Variants in SOAT2 observed in about 807,000 individuals in gnomAD.
The protein encoded by SOAT2 is sterol O-acyltransferase 2.
Under a neutral mutation model 76.0 loss-of-function variants are expected in SOAT2, and 87 were observed. The observed-to-expected ratio is 1.14, with a 90% CI of 0.96 to 1.37. SOAT2 has a LOEUF of 1.37. SOAT2 is among the 40% of genes most tolerant of loss of function. The probability of loss-of-function intolerance (pLI) is 0.00; values close to 1 mark genes in which losing one functional copy is unlikely to be tolerated. For missense variants in SOAT2, 686 were observed against 682.1 expected, an observed-to-expected ratio of 1.01 and a Z score of -0.06; for synonymous variants, 285 against 275.4, an observed-to-expected ratio of 1.03 and a Z score of -0.34.
chr12:53,123,657 T>C, intron 13 of SOAT2, 71 bp from the exon 14 acceptor site: 1 of 1,575,264 alleles, frequency 6.3e-7, no homozygotes. Flanking sequence ...CCCAATACCC[T>C]GGAATGGGAG....
intron 5 of SOAT2, among the ~76,000 whole-genome samples, chr12:53,114,053 T>A (rs1388239653): frequency 6.6e-6 from 1 of 152,166 alleles, no homozygotes; most frequent in African/African-American, 2.4e-5. Flanking sequence ...ATTCTGGCCT[T>A]TGTATAAGGG....
intron 5 of SOAT2, among the ~76,000 whole-genome samples, chr12:53,111,735 TA>T (rs1341525768): frequency 6.6e-6 from 1 of 152,244 alleles, no homozygotes; most frequent in Non-Finnish European, 1.5e-5. Flanking sequence ...AAGACATTTC[TA>T]GTATTACTTT....
intron 5 of SOAT2, among the ~76,000 whole-genome samples, chr12:53,113,581 A>C (rs12309006): frequency 0.19 from 28,417 of 152,156 alleles, 3,402 homozygotes; most frequent in African/African-American, 0.35. Context: ...CTATTTCTTG[A>C]GGCCCAGTAA....
intron 13 of SOAT2, 124 bp from the exon 14 acceptor site, chr12:53,123,604 A>T: frequency 8.7e-7 from 1 of 1,155,230 alleles, no homozygotes; most frequent in East Asian, 2.4e-5. Flanking sequence ...TCTGCACCTG[A>T]GTTCAAGATC....
intron 7 of SOAT2, among the ~76,000 whole-genome samples, 191 bp from the exon 8 acceptor site, chr12:53,118,159 G>A (rs1344632609): frequency 1.3e-5 from 2 of 151,990 alleles, no homozygotes; most frequent in Non-Finnish European, 2.9e-5. Context: ...GTGTTAAAGA[G>A]CCAGTTCCGC....
chr12:53,105,008 C>G, intron 2 of SOAT2, 99 bp from the exon 3 acceptor site: 1 of 1,153,586 alleles, frequency 8.7e-7, no homozygotes, highest in Non-Finnish European at 1.1e-6. Flanking sequence ...TTAAAAAAAG[C>G]ACTGTGCCTG....
At chr12:53,117,068 C>T (rs12228145) in intron 7 of SOAT2, among the ~76,000 whole-genome samples, 35,173 of 150,278 alleles carry the variant, frequency 0.23, 4,696 homozygotes, top group African/African-American at 0.37. Flanking sequence ...AAGCGATTCT[C>T]CTGCCTCAGC....
rs1249982463 is a variant in SOAT2, at chr12:53,119,159, G to A, written c.945G>A (p.Leu315=). Residue 315 remains leucine (L), a synonymous_variant, in exon 10 of 15, where the codon CTG becomes CTA. Coordinates refer to ENST00000301466, the MANE Select transcript of SOAT2 (RefSeq NM_003578.4). ...GTGTGCTCTATGCCTGCTTCATCCTGGGCCGCCTCTGTGTTCCTGTCTTTG... is the reference window on the plus strand; with the variant it reads ...GTGTGCTCTATGCCTGCTTCATCCTAGGCCGCCTCTGTGTTCCTGTCTTTG... ...LGCVLYACFI[L]GRLCVPVFAN... 6.2e-7 allele frequency: 1 copy of A among 1,613,900 alleles called. No homozygotes were observed. Among genetic ancestry groups the A allele is most frequent in the African/African-American group, 1.3e-5 (1 of 74,944 alleles).
intron 13 of SOAT2, 96 bp downstream of exon 13, chr12:53,123,312 C>G (rs113714428): frequency 6.7e-7 from 1 of 1,486,064 alleles, no homozygotes; most frequent in Admixed American, 1.8e-5. Flanking sequence ...AGGCCTCGCC[C>G]CCAGGCCTGG....
intron 13 of SOAT2, among the ~76,000 whole-genome samples, 198 bp from the exon 14 acceptor site, chr12:53,123,530 G>A (rs1325446821): frequency 6.6e-6 from 1 of 152,204 alleles, no homozygotes; most frequent in Non-Finnish European, 1.5e-5. Context: ...ATGAGATTCA[G>A]GATATTGAAG....
chr12:53,106,987 G>C (rs539179350), intron 5 of SOAT2, among the ~76,000 whole-genome samples: 1 of 152,132 alleles, frequency 6.6e-6, no homozygotes, highest in East Asian at 1.9e-4. Context: ...TTCAGGAAAG[G>C]CCTAGGCAAA....
chr12:53,120,244 T>C lies in SOAT2; in HGVS notation c.1040-542T>C, dbSNP rs1419105292. On this transcript the variant is annotated intron_variant, in intron 10 of 14. Coordinates refer to ENST00000301466, the MANE Select transcript of SOAT2 (RefSeq NM_003578.4). ...CAGCACTTTGGGAGGCTAAGGTGGGTGGATCACGAGGTCAGGAGATCAAGA... is the reference window on the plus strand; with the variant it reads ...CAGCACTTTGGGAGGCTAAGGTGGGCGGATCACGAGGTCAGGAGATCAAGA... Among the ~76,000 whole-genome samples, 13 of 152,080 alleles carry C rather than the reference T, an allele frequency of 8.5e-5. 1 individual carries two copies. The highest frequency in any genetic ancestry group is 6.2e-4 in the South Asian group (3 of 4,818).
chr12:53,120,029 A>G (rs1296847912), intron 10 of SOAT2, among the ~76,000 whole-genome samples: 1 of 152,222 alleles, frequency 6.6e-6, no homozygotes, highest in Non-Finnish European at 1.5e-5. Context: ...TACATGAACA[A>G]ATGGATGAAT....
chr12:53,119,031 A>G, intron 9 of SOAT2, 93 bp from the exon 10 acceptor site: 1 of 1,609,544 alleles, frequency 6.2e-7, no homozygotes, highest in Middle Eastern at 1.8e-4. Context: ...GGGTGATGCC[A>G]AGGGAAGAGA....
rs1327374955 is a variant in SOAT2, at chr12:53,105,995, G to A, written c.424G>A (p.Asp142Asn). 4.3e-6 allele frequency: 7 copies of A among 1,613,634 alleles called. No individual in the cohort carries two copies. The highest frequency in any genetic ancestry group is 2.2e-5 in the South Asian group (2 of 91,036). ...CVFIISTLAI[D>N]FIDEGRLLLE... ...CTTCATCATCAGCACCCTGGCCATCGACTTCATTGATGAGGGCAGGTAGGT... is the reference window on the plus strand; with the variant it reads ...CTTCATCATCAGCACCCTGGCCATCAACTTCATTGATGAGGGCAGGTAGGT... Residue 142 changes from aspartate to asparagine, a missense_variant, in exon 5 of 15, where the codon GAC becomes AAC. Coordinates refer to ENST00000301466, the MANE Select transcript of SOAT2 (RefSeq NM_003578.4).
At chr12:53,122,264 T>C (rs1002882354) in intron 12 of SOAT2, among the ~76,000 whole-genome samples, 2 of 150,746 alleles carry the variant, frequency 1.3e-5, no homozygotes, top group African/African-American at 4.9e-5. Flanking sequence ...GCAAATTTTA[T>C]TCTGGTTACA....
intron 5 of SOAT2, among the ~76,000 whole-genome samples, chr12:53,109,881 C>G (rs1937988220): frequency 6.6e-6 from 1 of 152,098 alleles, no homozygotes; most frequent in African/African-American, 2.4e-5. Flanking sequence ...TTTTTCGAAC[C>G]CTTTACAATT....
chr12:53,123,720 T>C lies in SOAT2; in HGVS notation c.1373-8T>C. 6.2e-7 allele frequency: 1 copy of C among 1,614,156 alleles called. No homozygotes were observed. The highest frequency in any genetic ancestry group is 8.5e-7 in the Non-Finnish European group (1 of 1,179,992). On this transcript the variant is annotated splice_region_variant and splice_polypyrimidine_tract_variant and intron_variant, in intron 13 of 14. Coordinates refer to ENST00000301466, the MANE Select transcript of SOAT2 (RefSeq NM_003578.4). ...GAGCTGGAATGACAACCTTTCCTCC[T>C]GCACCAGGAATGTTGAACTTCATGA...
Position 53,107,131 on chromosome 12 carries a change from C to A in SOAT2, c.443+1117C>A, listed in dbSNP as rs75060374. Among the ~76,000 whole-genome samples the A allele has an allele frequency of 6.9e-4, 105 of 152,268 alleles. 4 individuals are homozygous for A. In the East Asian group the frequency reaches 0.02, roughly 29 times the overall value. On this transcript the variant is annotated intron_variant, in intron 5 of 14. Coordinates refer to ENST00000301466, the MANE Select transcript of SOAT2 (RefSeq NM_003578.4). ...ATTAGTGAGACCTGCTTGTCACAGT[C>A]CCCACTGTCAATTTACACGATTTTT... is the stretch of plus-strand genomic sequence containing the variant.
Sources: gnomAD v4.1 joint callset for allele counts (sites outside exome capture counted in the v4.1 genomes callset) on GRCh38, gnomAD v4.1.1 for gene constraint, MANE v1.5 for transcripts, NCBI Gene and HGNC (gene_info 2026-07-23, HGNC 2026-07-21) for gene names.